Variants in MICAL3 observed in about 807,000 individuals in gnomAD.
The protein encoded by MICAL3 is microtubule associated monooxygenase, calponin and LIM domain containing 3.
A neutral mutation model predicts 207.4 loss-of-function variants in MICAL3; 62 were observed. The observed-to-expected ratio is 0.30, with a 90% CI of 0.24 to 0.37. The LOEUF (loss-of-function observed/expected upper bound fraction) is 0.37. Ranked by LOEUF, MICAL3 falls within the 10% of genes least tolerant of loss-of-function variation. The pLI is 1.00. For missense variants in MICAL3, 2,368 were observed against 2,635.6 expected (o/e 0.90, Z 2.22); for synonymous variants, 1,077 against 1,069.3 (o/e 1.01, Z -0.14).
At position 17,817,809 on chromosome 22, in the gene MICAL3, T is replaced by C; in HGVS notation, c.4852A>G (p.Ser1618Gly). 1 of 1,609,706 alleles carries C rather than the reference T, an allele frequency of 6.2e-7. No homozygotes were observed. Among genetic ancestry groups the C allele is most frequent in the Non-Finnish European group, 8.5e-7 (1 of 1,178,338 alleles). The change falls in exon 26 of 32, where the codon AGC (serine) becomes GGC (glycine). Residue 1618 changes from serine to glycine, a missense_variant. By Grantham distance (56) the Ser-to-Gly change is moderately conservative. Transcript: ENST00000441493. ...ALRDAMARQL[S>G]RMQQMELASG... Reference sequence around the variant, plus strand: ...GCCAGCTCCATCTGCTGCATCCTGCTCAGCTGCCTGGCCATGGCGTCCCGC... The same window carrying C: ...GCCAGCTCCATCTGCTGCATCCTGCCCAGCTGCCTGGCCATGGCGTCCCGC...
At position 17,820,912 on chromosome 22, in the gene MICAL3, A is replaced by ATTTATAAACATAAATTTTAATAAATTTG. The variant is rs1921536366; in HGVS notation, c.3531+514_3531+515insCAAATTTATTAAAATTTATGTTTATAAA. ...TAAACATAAATTTTAATAAATTTATATTTATAAACATAAATTTTAATAAAT... is the reference window on the plus strand; with the variant it reads ...TAAACATAAATTTTAATAAATTTATATTTATAAACATAAATTTTAATAAATTTGTTTATAAACATAAATTTTAATAAAT... On this transcript the variant is annotated intron_variant, in intron 25 of 31. Coordinates refer to ENST00000441493, the MANE Select transcript of MICAL3 (RefSeq NM_015241.3). 3.6e-5 allele frequency among the ~76,000 whole-genome samples: 3 copies of ATTTATAAACATAAATTTTAATAAATTTG among 83,116 alleles called. No homozygotes were observed. In the South Asian group the frequency reaches 1.0e-3, roughly 29 times the overall value. The allele number at this position is 83,116 out of a possible 152,430, so 54.5% of individuals were successfully genotyped here.
Position 17,831,898 on chromosome 22 carries a change from T to C in MICAL3, c.3011A>G (p.Glu1004Gly). 6.4e-7 allele frequency: 1 copy of C among 1,556,242 alleles called. No homozygotes were observed. Among genetic ancestry groups the C allele is most frequent in the Non-Finnish European group, 8.7e-7 (1 of 1,149,544 alleles). ...CTCCTCGTCATAGTCCTCCTCCTCC[T>C]CCTCTTCATATTCTTCCTCCTCCTC... The part of the protein sequence containing the change: ...EEEEEEEYEE[E>G]EEEDYDEEEE... Residue 1004 changes from glutamate (E) to glycine (G), a missense_variant, in exon 21 of 32, where the codon GAG becomes GGG. Around this residue, in one of 4 missense-constraint regions of MICAL3, gnomAD observed 1,770 missense variants for 1,863.2 expected, o/e 0.95. Transcript: ENST00000441493.
intron 17 of MICAL3, among the ~76,000 whole-genome samples, chr22:17,867,034 A>AT (rs1420526517): frequency 1.3e-5 from 2 of 152,230 alleles, no homozygotes; most frequent in African/African-American, 4.8e-5. Flanking sequence ...CAAAGCTACA[A>AT]TAAGAGGACC....
At chr22:17,887,991 G>A (rs1344873935) in intron 13 of MICAL3, among the ~76,000 whole-genome samples, 1 of 152,170 alleles carries the variant, frequency 6.6e-6, no homozygotes, top group African/African-American at 2.4e-5. Flanking sequence ...GAATATATGG[G>A]CTGGAAAGCA....
At chr22:17,867,381 C>T (rs1169123212) in intron 17 of MICAL3, among the ~76,000 whole-genome samples, 1 of 152,228 alleles carries the variant, frequency 6.6e-6, no homozygotes, top group Non-Finnish European at 1.5e-5. Context: ...TGGAGCCTGG[C>T]CACAACTTCC....
intron 1 of MICAL3, among the ~76,000 whole-genome samples, chr22:17,953,669 G>A (rs1479120277): frequency 2.0e-5 from 3 of 152,192 alleles, no homozygotes; most frequent in East Asian, 1.9e-4. Flanking sequence ...GGTGGCTCAC[G>A]CCTGTAATCC....
intron 19 of MICAL3, chr22:17,861,720 A>G: frequency 1.0e-6 from 1 of 985,414 alleles, no homozygotes; most frequent in East Asian, 1.1e-4. Context: ...TAGTAAGTAT[A>G]AGCTTGGAAA....
At chr22:17,931,587 T>C (rs569011775) in intron 1 of MICAL3, among the ~76,000 whole-genome samples, 120 of 152,120 alleles carry the variant, frequency 7.9e-4, no homozygotes, top group Non-Finnish European at 1.4e-3. Flanking sequence ...AGGTCCAGAG[T>C]GACTTGTCCC....
At chr22:17,801,294 A>T (rs1385054194) in intron 29 of MICAL3, among the ~76,000 whole-genome samples, 25 of 101,148 alleles carry the variant, frequency 2.5e-4, no homozygotes, top group South Asian at 9.6e-4. Context: ...CCGGGACTAC[A>T]GGCGCCCGCC....
intron 2 of MICAL3, among the ~76,000 whole-genome samples, chr22:17,905,925 G>C (rs180762480): frequency 5.7e-4 from 87 of 152,304 alleles, no homozygotes; most frequent in African/African-American, 1.8e-3. Flanking sequence ...AATCAAAACA[G>C]ACTTTTGGAA....
chr22:17,945,015 T>G (rs989518774), intron 1 of MICAL3, among the ~76,000 whole-genome samples: 2 of 151,538 alleles, frequency 1.3e-5, no homozygotes, highest in Admixed American at 6.6e-5. Context: ...GACCTTTTTT[T>G]TTTTTTTTTT....
intron 9 of MICAL3, 41 bp downstream of exon 9, chr22:17,896,205 C>T (rs1930816104): frequency 8.6e-7 from 1 of 1,169,278 alleles, no homozygotes; most frequent in East Asian, 2.6e-5. Context: ...TCCTTCTTCC[C>T]AGTTTTCTCA....
At chr22:17,967,912 G>A (rs1036704247) in intron 1 of MICAL3, among the ~76,000 whole-genome samples, 6 of 152,034 alleles carry the variant, frequency 3.9e-5, no homozygotes, top group Admixed American at 1.3e-4. Context: ...GCGTGGTCAC[G>A]CACACCTGTA....
At chr22:17,969,505 C>G (rs1289810100) in intron 1 of MICAL3, among the ~76,000 whole-genome samples, 2 of 152,202 alleles carry the variant, frequency 1.3e-5, no homozygotes, top group African/African-American at 4.8e-5. Flanking sequence ...CTCCTTTGTT[C>G]TAGGCAAGAC....
At chr22:17,904,390 A>C (rs1282598020) in intron 3 of MICAL3, among the ~76,000 whole-genome samples, 1 of 152,236 alleles carries the variant, frequency 6.6e-6, no homozygotes, top group Non-Finnish European at 1.5e-5. Context: ...GAAATCCTCA[A>C]GCCAAACCCC....
At chr22:18,020,457 T>A (rs1188242584) in intron 1 of MICAL3, among the ~76,000 whole-genome samples, 1 of 151,546 alleles carries the variant, frequency 6.6e-6, no homozygotes, top group Non-Finnish European at 1.5e-5. Flanking sequence ...AAGAGTTTTA[T>A]CGGCATTAAT....
Position 17,901,058 on chromosome 22 carries a change from G to C in MICAL3, c.692-61C>G. ...TGGCTAGAGAAGGAAGATCACTTCA[G>C]ATAAAGTGGGGGTGCTGATAAAGAC... On this transcript the variant is annotated intron_variant, in intron 5 of 31. Coordinates refer to ENST00000441493, the MANE Select transcript of MICAL3 (RefSeq NM_015241.3). The C allele has an allele frequency of 2.0e-6, 3 of 1,522,928 alleles. No individual in the cohort carries two copies. The South Asian group carries it at 3.4e-5, about 17-fold the overall frequency. The allele number at this position is 1,522,928 out of a possible 1,614,324, so 94.3% of individuals were successfully genotyped here.
intron 16 of MICAL3, among the ~76,000 whole-genome samples, chr22:17,877,822 T>C (rs563873926): frequency 6.6e-6 from 1 of 152,230 alleles, no homozygotes; most frequent in African/African-American, 2.4e-5. Context: ...CAATCTCTCC[T>C]ATTCAACATG....
At chr22:17,989,114 G>A (rs1921372630) in intron 1 of MICAL3, among the ~76,000 whole-genome samples, 2 of 152,078 alleles carry the variant, frequency 1.3e-5, no homozygotes, top group South Asian at 4.2e-4. Context: ...CCCCCGGCAG[G>A]TTCCCCGATG....
Sources: gnomAD v4.1 joint callset for allele counts (sites outside exome capture counted in the v4.1 genomes callset) on GRCh38, gnomAD v4.1.1 for gene constraint, gnomAD v4.1.1 regional missense constraint, MANE v1.5 for transcripts, NCBI Gene and HGNC (gene_info 2026-07-23, HGNC 2026-07-21) for gene names.